The following LINGO3 variants were observed in gnomAD, a reference collection of about 807,000 sequenced individuals.
The protein encoded by LINGO3 is leucine rich repeat and Ig domain containing 3.
For missense variants in LINGO3, 750 were observed against 867.7 expected, an observed-to-expected ratio of 0.86 and a Z score of 1.70; for synonymous variants, 427 against 444.2, an observed-to-expected ratio of 0.96 and a Z score of 0.49.
the LINGO3 span, among the ~76,000 whole-genome samples, chr19:2,297,178 T>C: frequency 1.0e-3 from 156 of 151,916 alleles, no homozygotes; most frequent in Middle Eastern, 6.8e-3. Context: ...TGCAAGACCC[T>C]ACAGCAAGCA....
At chr19:2,303,272 C>A in the LINGO3 span, among the ~76,000 whole-genome samples, 1 of 152,152 alleles carries the variant, frequency 6.6e-6, no homozygotes, top group Non-Finnish European at 1.5e-5. Context: ...AAGGTGGGGG[C>A]ACAAACAGGT....
At chr19:2,292,639 G>A (rs1026772694), upstream of LINGO3, among the ~76,000 whole-genome samples, 8 of 151,508 alleles carry the variant, frequency 5.3e-5, no homozygotes, top group African/African-American at 9.7e-5. Flanking sequence ...ACAGGTGCCC[G>A]CCACCACGTC....
chr19:2,294,961 C>T (rs954264900), upstream of LINGO3, among the ~76,000 whole-genome samples: 10 of 152,206 alleles, frequency 6.6e-5, no homozygotes, highest in East Asian at 1.5e-3. This position sits in a 1 kb window ranked among gnomAD's most constrained non-coding sequence, Gnocchi z 4.3. Context: ...CCCCCAGGCC[C>T]CGTGGCCCAA....
At chr19:2,305,378 A>G in the LINGO3 span, among the ~76,000 whole-genome samples, 3 of 151,982 alleles carry the variant, frequency 2.0e-5, no homozygotes, top group African/African-American at 4.8e-5. Flanking sequence ...TGGTCCTGGA[A>G]GCTCTTAGCT....
upstream of LINGO3, among the ~76,000 whole-genome samples, chr19:2,294,054 GA>G (rs912001583): frequency 1.3e-5 from 2 of 150,774 alleles, no homozygotes; most frequent in African/African-American, 2.4e-5. The surrounding 1 kb of genome is among the most constrained non-coding windows in gnomAD (Gnocchi z 4.3). Flanking sequence ...TGTCTCAAGG[GA>G]AAAAAAAAGG....
At chr19:2,295,592 CG>C (rs2025565199), upstream of LINGO3, among the ~76,000 whole-genome samples, 1 of 152,048 alleles carries the variant, frequency 6.6e-6, no homozygotes, top group South Asian at 2.1e-4. Context: ...AAAAACTAGC[CG>C]GGCGTGGTGA....
At chr19:2,302,576 C>T in the LINGO3 span, among the ~76,000 whole-genome samples, 37 of 152,296 alleles carry the variant, frequency 2.4e-4, no homozygotes, top group African/African-American at 8.2e-4. Context: ...GCAAGGGGCA[C>T]GTCCCACCAG....
At position 2,290,987 on chromosome 19, in the gene LINGO3, C is replaced by T. The variant is rs1298484152; in HGVS notation, c.790G>A (p.Ala264Thr). Residue 264 changes from alanine to threonine, a missense_variant, in exon 1 of 1, where the codon GCC becomes ACC. By Grantham distance (58) the Ala-to-Thr change is moderately conservative. Coordinates refer to ENST00000585527, the Ensembl canonical transcript of LINGO3. This position sits in a 1 kb window ranked among gnomAD's most constrained non-coding sequence, Gnocchi z 6.0. ...AGGTGCGCCTGGTGCCGCAGCGCGG[C>T]GGCCGGCACGGCGGTGATGTTGGTG... is the stretch of plus-strand genomic sequence containing the variant. 15 of 1,611,656 alleles carry T rather than the reference C, an allele frequency of 9.3e-6. No homozygotes were observed. Among genetic ancestry groups the T allele is most frequent in the South Asian group, 1.1e-5 (1 of 91,030 alleles).
upstream of LINGO3, among the ~76,000 whole-genome samples, chr19:2,293,882 G>A (rs531148719): frequency 4.6e-5 from 7 of 151,854 alleles, no homozygotes; most frequent in African/African-American, 1.7e-4. Flanking sequence ...GGGAACCCCC[G>A]TCTCAACTAA....
At position 2,290,955 on chromosome 19, in the gene LINGO3, G is replaced by A. The variant is rs1011029574; in HGVS notation, c.822C>T (p.Cys274=). The change falls in exon 1 of 1, where the codon TGC becomes TGT. Residue 274 remains cysteine (C), a synonymous_variant. Coordinates refer to ENST00000585527, the Ensembl canonical transcript of LINGO3. This position sits in a 1 kb window ranked among gnomAD's most constrained non-coding sequence, Gnocchi z 6.0. ...TGATGGGGTTGTGCGACAGATTGAG[G>A]CAGGTGAGGTGCGCCTGGTGCCGCA... 3.7e-6 allele frequency: 6 copies of A among 1,611,884 alleles called. No individual in the cohort carries two copies. In the African/African-American group the frequency reaches 6.7e-5, roughly 18 times the overall value.
At chr19:2,296,089 C>A (rs2145092337), upstream of LINGO3, among the ~76,000 whole-genome samples, 1 of 152,336 alleles carries the variant, frequency 6.6e-6, no homozygotes, top group African/African-American at 2.4e-5. Context: ...TCCCTCCCAG[C>A]AAGCTCCCTC....
At chr19:2,295,961 G>A (rs1480821921), upstream of LINGO3, among the ~76,000 whole-genome samples, 1 of 151,818 alleles carries the variant, frequency 6.6e-6, no homozygotes, top group African/African-American at 2.4e-5. Context: ...CCCCAGCTTG[G>A]GAACATAGGA....
chr19:2,290,265 G>A lies in LINGO3; in HGVS notation c.1512C>T (p.Asn504=). Reference sequence around the variant, plus strand: ...CGTTGTGGGCCTCGCCCGGGGTCCGGTTGGCGGCCGGCTCGGGGCGCACGG... The same window carrying A: ...CGTTGTGGGCCTCGCCCGGGGTCCGATTGGCGGCCGGCTCGGGGCGCACGG... The change falls in exon 1 of 1, where the codon AAC becomes AAT. Residue 504 remains asparagine, a synonymous_variant. Transcript: ENST00000585527. This position sits in a 1 kb window ranked among gnomAD's most constrained non-coding sequence, Gnocchi z 6.0. The A allele has an allele frequency of 1.9e-6, 3 of 1,597,874 alleles. No homozygotes were observed. Among genetic ancestry groups the A allele is most frequent in the Non-Finnish European group, 2.6e-6 (3 of 1,176,010 alleles).
At chr19:2,296,668 G>A (rs1029506835), upstream of LINGO3, among the ~76,000 whole-genome samples, 3 of 151,942 alleles carry the variant, frequency 2.0e-5, no homozygotes, top group African/African-American at 4.8e-5. Context: ...TAGTAGAGAC[G>A]GGGTTTCACC....
upstream of LINGO3, among the ~76,000 whole-genome samples, chr19:2,292,282 C>T (rs1280543986): frequency 6.6e-6 from 1 of 150,766 alleles, no homozygotes; most frequent in Non-Finnish European, 1.5e-5. Context: ...CCTGTGGTCC[C>T]AGCTACTCAG....
exon 1 of LINGO3, chr19:2,291,682 G>T (rs2025525107): frequency 7.4e-7 from 1 of 1,343,814 alleles, no homozygotes; most frequent in African/African-American, 1.6e-5. Flanking sequence ...GGTCTGCACG[G>T]TGCACTCGCA....
At chr19:2,301,966 T>G in the LINGO3 span, among the ~76,000 whole-genome samples, 3 of 140,274 alleles carry the variant, frequency 2.1e-5, no homozygotes, top group Non-Finnish European at 4.6e-5. Context: ...GAAAAGAAAA[T>G]GTACCAGTTG....
At chr19:2,305,452 A>G in the LINGO3 span, among the ~76,000 whole-genome samples, 1 of 151,840 alleles carries the variant, frequency 6.6e-6, no homozygotes, top group Admixed American at 6.6e-5. Context: ...AGGTGGCCCT[A>G]CCCTCTTGGT....
At chr19:2,303,473 G>A in the LINGO3 span, among the ~76,000 whole-genome samples, 2 of 152,204 alleles carry the variant, frequency 1.3e-5, no homozygotes, top group East Asian at 1.9e-4. Flanking sequence ...AGCGAGGGGC[G>A]AGGCTGGCCG....
Sources: allele counts gnomAD v4.1 joint callset (sites outside exome capture counted in the v4.1 genomes callset), GRCh38; gene constraint gnomAD v4.1.1; non-coding constraint Gnocchi (gnomAD v3.1); transcripts MANE v1.5; gene names NCBI Gene and HGNC (gene_info 2026-07-23, HGNC 2026-07-21).